The following CADPS variants were observed in gnomAD, a reference collection of about 807,000 sequenced individuals.
CADPS encodes the protein calcium-dependent secretion activator 1.
A neutral mutation model predicts 167.3 loss-of-function variants in CADPS; 57 were observed. The ratio of observed to expected loss-of-function variants is 0.34; its 90% confidence interval spans 0.28 to 0.42. The LOEUF (loss-of-function observed/expected upper bound fraction) is 0.42. CADPS is among the 20% of genes least tolerant of loss of function. CADPS has a pLI of 1.00. For synonymous variants in CADPS, 676 were observed against 635.3 expected (o/e 1.06, Z -0.96); for missense variants, 1,414 against 1,738.1 (o/e 0.81, Z 3.32).
intron 4 of CADPS, among the ~76,000 whole-genome samples, chr3:62,658,240 G>A (rs906683958): frequency 3.9e-5 from 6 of 152,212 alleles, no homozygotes; most frequent in African/African-American, 7.2e-5. Context: ...TTAATGTAAC[G>A]CCAAAGATTG....
intron 6 of CADPS, among the ~76,000 whole-genome samples, chr3:62,641,948 A>G (rs2067506850): frequency 6.6e-6 from 1 of 152,160 alleles, no homozygotes; most frequent in South Asian, 2.1e-4. Context: ...AACTGATCCA[A>G]TATGACGATG....
intron 17 of CADPS, among the ~76,000 whole-genome samples, chr3:62,512,099 T>G (rs2067971084): frequency 6.6e-6 from 1 of 152,140 alleles, no homozygotes; most frequent in South Asian, 2.1e-4. Context: ...TTGACAACCC[T>G]TTAGACTACA....
chr3:62,662,990 C>T (rs2073634192), intron 3 of CADPS, among the ~76,000 whole-genome samples: 1 of 152,168 alleles, frequency 6.6e-6, no homozygotes, highest in Admixed American at 6.5e-5. Context: ...ATATAAAGAT[C>T]AGAGCACCCA....
At chr3:62,773,459 A>G (rs2089454265) in intron 1 of CADPS, among the ~76,000 whole-genome samples, 2 of 152,084 alleles carry the variant, frequency 1.3e-5, no homozygotes, top group Non-Finnish European at 2.9e-5. Flanking sequence ...AGGGGGAAAA[A>G]CATATTGAAG....
chr3:62,492,489 G>A (rs1409653313), intron 19 of CADPS, 43 bp from the exon 20 acceptor site: 1 of 1,573,568 alleles, frequency 6.4e-7, no homozygotes, highest in South Asian at 1.1e-5. Flanking sequence ...GAAGTGATGA[G>A]CTTCTTTCTC....
intron 3 of CADPS, among the ~76,000 whole-genome samples, chr3:62,709,779 A>T (rs1490896691): frequency 1.3e-5 from 2 of 151,370 alleles, no homozygotes. Flanking sequence ...TGTATTTATT[A>T]TTTTTTTTGA....
At chr3:62,782,878 G>C (rs2091900292) in intron 1 of CADPS, among the ~76,000 whole-genome samples, 1 of 150,958 alleles carries the variant, frequency 6.6e-6, no homozygotes, top group African/African-American at 2.4e-5. Context: ...TCCTACCTTA[G>C]CCTCTCAAGT....
chr3:62,493,660 A>G lies in CADPS; in HGVS notation c.2712T>C (p.His904=). The change falls in exon 19 of 30, where the codon CAT becomes CAC. Residue 904 remains histidine (H), a synonymous_variant. Transcript: ENST00000383710. ...QQNEEHHAEP[H]VDKGEAFAWW... ...CTTTACTTACTTCTCCTTTATCAACATGTGGCTGGTTTGCAAATTAAATGA... is the reference window on the plus strand; with the variant it reads ...CTTTACTTACTTCTCCTTTATCAACGTGTGGCTGGTTTGCAAATTAAATGA... 1.3e-6 allele frequency: 2 copies of G among 1,555,762 alleles called. No individual in the cohort carries two copies. Among genetic ancestry groups the G allele is most frequent in the Middle Eastern group, 1.7e-4 (1 of 5,996 alleles).
chr3:62,594,254 C>T (rs1163352570), intron 6 of CADPS, among the ~76,000 whole-genome samples: 4 of 149,804 alleles, frequency 2.7e-5, no homozygotes, highest in Admixed American at 2.0e-4. Context: ...CTCCGCCTCC[C>T]GGGTTCACGC....
intron 3 of CADPS, among the ~76,000 whole-genome samples, chr3:62,685,531 CTTAT>C: frequency 6.6e-6 from 1 of 151,960 alleles, no homozygotes; most frequent in South Asian, 2.1e-4. Flanking sequence ...TGTGAAGTGA[CTTAT>C]TTATATAGCT....
At chr3:62,550,230 A>G in intron 10 of CADPS, 115 bp from the exon 11 acceptor site, 2 of 732,394 alleles carry the variant, frequency 2.7e-6, no homozygotes, top group Non-Finnish European at 4.7e-6. Flanking sequence ...AGAGGGGGGT[A>G]GTGATTAACT....
rs573676242 is a variant in CADPS, at chr3:62,437,618, CAGTCTTCCAGGAATGA to C, written c.3777+470_3777+485del. On this transcript the variant is annotated intron_variant, in intron 28 of 29. Transcript: ENST00000383710. ...TGCCAAAACCCAGGGTAAGGATTTC[CAGTCTTCCAGGAATGA>C]AATTATCTTTGAAGTGATAACGATG... Among the ~76,000 whole-genome samples the C allele has an allele frequency of 1.8e-3, 280 of 152,182 alleles. 2 individuals are homozygous for C. Among genetic ancestry groups the C allele is most frequent in the African/African-American group, 6.4e-3 (267 of 41,540 alleles).
Position 62,874,873 on chromosome 3 carries a change from C to A in CADPS, c.157G>T (p.Ala53Ser). ...GCACCCACCCCGGCTCCGGCGCCGG[C>A]GCCGCCGCCCCCCAGCCCGGCGCTG... ...AGSAGLGGGGAGAGAGVGAGG... is the reference protein window; with the variant it reads ...AGSAGLGGGGSGAGAGVGAGG... Residue 53 changes from alanine (A) to serine (S), a missense_variant, in exon 1 of 30, where the codon GCC becomes TCC. Ala to Ser is a moderately conservative substitution (Grantham distance 99, BLOSUM62 1). Coordinates refer to ENST00000383710, the MANE Select transcript of CADPS (RefSeq NM_003716.4). The surrounding 1 kb of genome is among the most constrained non-coding windows in gnomAD (Gnocchi z 7.1). 1 of 1,148,544 alleles carries A rather than the reference C, an allele frequency of 8.7e-7. No homozygotes were observed. Among genetic ancestry groups the A allele is most frequent in the Non-Finnish European group, 1.1e-6 (1 of 937,448 alleles). The allele number at this position is 1,148,544 out of a possible 1,614,324, so 71.1% of individuals were successfully genotyped here.
intron 1 of CADPS, among the ~76,000 whole-genome samples, chr3:62,854,043 G>GA (rs1406912225): frequency 6.6e-6 from 1 of 152,146 alleles, no homozygotes; most frequent in Non-Finnish European, 1.5e-5. Context: ...ATTTCATGCT[G>GA]AACCTACTGC....
intron 3 of CADPS, among the ~76,000 whole-genome samples, chr3:62,728,364 A>T (rs1325828300): frequency 6.6e-6 from 1 of 151,848 alleles, no homozygotes; most frequent in Non-Finnish European, 1.5e-5. Context: ...ATCTGTTTAC[A>T]ACCTAATTAG....
intron 24 of CADPS, among the ~76,000 whole-genome samples, chr3:62,471,199 A>G (rs2060563280): frequency 6.6e-6 from 1 of 152,200 alleles, no homozygotes; most frequent in South Asian, 2.1e-4. Flanking sequence ...TGATTAAACC[A>G]AAAGGCAACT....
At chr3:62,826,613 G>A (rs981564293) in intron 1 of CADPS, among the ~76,000 whole-genome samples, 2 of 152,106 alleles carry the variant, frequency 1.3e-5, no homozygotes, top group East Asian at 1.9e-4. Context: ...TCCTTGATGG[G>A]TCTTCAAGTC....
chr3:62,808,938 TCAATA>T (rs2094254773), intron 1 of CADPS, among the ~76,000 whole-genome samples: 1 of 152,110 alleles, frequency 6.6e-6, no homozygotes, highest in African/African-American at 2.4e-5. Flanking sequence ...CTCCTCCAAC[TCAATA>T]AACAATACCA....
intron 1 of CADPS, among the ~76,000 whole-genome samples, chr3:62,866,122 A>C (rs769088664): frequency 2.6e-5 from 4 of 152,132 alleles, no homozygotes; most frequent in Non-Finnish European, 5.9e-5. Context: ...CACCCATTGC[A>C]AGGGATTCAT....
Sources: gnomAD v4.1 joint callset for allele counts (sites outside exome capture counted in the v4.1 genomes callset) on GRCh38, gnomAD v4.1.1 for gene constraint, Gnocchi (gnomAD v3.1) non-coding constraint, MANE v1.5 for transcripts, NCBI Gene and HGNC (gene_info 2026-07-23, HGNC 2026-07-21) for gene names.